The following GPC5 variants were observed in gnomAD, a reference collection of about 807,000 sequenced individuals.
The protein encoded by GPC5 is glypican-5.
Under a neutral mutation model 53.9 loss-of-function variants are expected in GPC5, and 47 were observed. The ratio of observed to expected loss-of-function variants is 0.87; its 90% CI spans 0.69 to 1.11. The LOEUF is 1.11. Among genes scored for constraint, GPC5 ranks in the 50% most tolerant of loss-of-function variants. The pLI, the probability that GPC5 is intolerant of heterozygous loss-of-function variation, is 0.00. For missense variants in GPC5, 748 were observed against 713.1 expected (o/e 1.05, Z -0.56); for synonymous variants, 286 against 263.3 (o/e 1.09, Z -0.84).
intron 7 of GPC5, among the ~76,000 whole-genome samples, chr13:92,164,573 C>T (rs1034950414): frequency 1.3e-5 from 2 of 152,210 alleles, no homozygotes; most frequent in East Asian, 3.9e-4. Context: ...ACAGGCCCTC[C>T]GTCCTGACTG....
At chr13:91,685,909 T>C (rs946768818) in intron 2 of GPC5, among the ~76,000 whole-genome samples, 10 of 149,948 alleles carry the variant, frequency 6.7e-5, no homozygotes, top group African/African-American at 1.0e-4. Context: ...AGAAGAACCA[T>C]GTTTTTGTGT....
At chr13:92,461,174 C>T (rs1594220531) in intron 7 of GPC5, among the ~76,000 whole-genome samples, 1 of 151,928 alleles carries the variant, frequency 6.6e-6, no homozygotes. Flanking sequence ...TTCAAAAATA[C>T]AGAGAAGATG....
chr13:92,452,255 A>G (rs2139399713), intron 7 of GPC5, among the ~76,000 whole-genome samples: 1 of 152,324 alleles, frequency 6.6e-6, no homozygotes, highest in Middle Eastern at 3.4e-3. Context: ...ACCTATAGGT[A>G]CAAATGTAGA....
At chr13:91,965,185 A>G (rs573741776) in intron 6 of GPC5, among the ~76,000 whole-genome samples, 1 of 152,194 alleles carries the variant, frequency 6.6e-6, no homozygotes, top group African/African-American at 2.4e-5. Flanking sequence ...ATACATGTGT[A>G]AAAAACGTGC....
At chr13:92,168,103 A>G (rs916998075) in intron 7 of GPC5, among the ~76,000 whole-genome samples, 1 of 152,148 alleles carries the variant, frequency 6.6e-6, no homozygotes, top group African/African-American at 2.4e-5. Context: ...GCCCTGATAA[A>G]AAGCCACAGA....
At chr13:91,831,744 T>C (rs368647256) in intron 5 of GPC5, among the ~76,000 whole-genome samples, 15 of 152,062 alleles carry the variant, frequency 9.9e-5, no homozygotes, top group African/African-American at 2.7e-4. Flanking sequence ...AGCAGGTTTT[T>C]CAGTTTCCAT....
intron 6 of GPC5, among the ~76,000 whole-genome samples, chr13:92,060,249 T>A (rs2041111903): frequency 6.6e-6 from 1 of 152,052 alleles, no homozygotes; most frequent in South Asian, 2.1e-4. Flanking sequence ...ACATGAATTA[T>A]TGATTAAAAT....
At chr13:92,456,332 G>T (rs1878267553) in intron 7 of GPC5, among the ~76,000 whole-genome samples, 1 of 152,138 alleles carries the variant, frequency 6.6e-6, no homozygotes, top group Non-Finnish European at 1.5e-5. Flanking sequence ...TATACAACAG[G>T]TGGCTCTAAA....
intron 2 of GPC5, among the ~76,000 whole-genome samples, chr13:91,554,687 G>A (rs915944925): frequency 6.6e-6 from 1 of 152,062 alleles, no homozygotes; most frequent in Admixed American, 6.6e-5. Flanking sequence ...CAAGTGCTGG[G>A]TCCTTCTGTA....
At chr13:92,392,339 G>A (rs1035805151) in intron 7 of GPC5, among the ~76,000 whole-genome samples, 1 of 152,064 alleles carries the variant, frequency 6.6e-6, no homozygotes, top group Non-Finnish European at 1.5e-5. Context: ...TGGGAGAACT[G>A]GCTAGCAATA....
At chr13:91,477,876 G>A (rs1883020053) in intron 2 of GPC5, among the ~76,000 whole-genome samples, 1 of 152,200 alleles carries the variant, frequency 6.6e-6, no homozygotes, top group African/African-American at 2.4e-5. Context: ...GCAGTGAGCT[G>A]TGGTTATAAA....
intron 2 of GPC5, among the ~76,000 whole-genome samples, chr13:91,596,855 C>T (rs943146950): frequency 2.0e-5 from 3 of 152,010 alleles, no homozygotes; most frequent in Admixed American, 1.3e-4. Context: ...TGTTATTTTC[C>T]GTGCCTTTCC....
intron 2 of GPC5, among the ~76,000 whole-genome samples, chr13:91,648,571 A>C (rs2139538074): frequency 6.6e-6 from 1 of 152,274 alleles, no homozygotes; most frequent in South Asian, 2.1e-4. Context: ...TATTGTAAAA[A>C]GTAGAAAGTA....
rs371994087 is a variant in GPC5, at chr13:91,926,255, G to A, written c.1401+18198G>A. ...ATGCACCTGTAGTCCCAGCTACTCG[G>A]GAGGCTGAGGCAGGAGAATCACTTG... is the stretch of plus-strand genomic sequence containing the variant. On this transcript the variant is annotated intron_variant, in intron 6 of 7. Transcript: ENST00000377067. Among the ~76,000 whole-genome samples the A allele has an allele frequency of 4.9e-4, 74 of 151,846 alleles. 2 individuals are homozygous for A. The South Asian group carries it at 0.013, about 27-fold the overall frequency.
At chr13:92,801,711 G>C (rs182849601) in intron 7 of GPC5, among the ~76,000 whole-genome samples, 37 of 151,476 alleles carry the variant, frequency 2.4e-4, no homozygotes, top group African/African-American at 8.0e-4. Flanking sequence ...TTTTGTCTAG[G>C]TCTAGGCTAA....
At chr13:92,617,606 T>C (rs568699259) in intron 7 of GPC5, among the ~76,000 whole-genome samples, 6 of 152,326 alleles carry the variant, frequency 3.9e-5, no homozygotes, top group African/African-American at 1.4e-4. Context: ...TCATTTCACT[T>C]GATATGTATT....
intron 7 of GPC5, among the ~76,000 whole-genome samples, chr13:92,632,391 C>T (rs17188515): frequency 0.028 from 4,226 of 149,866 alleles, 112 homozygotes; most frequent in Admixed American, 0.095. Context: ...ATCTTCCATA[C>T]GACTGCAACG....
At chr13:91,758,948 G>A (rs749437946) in intron 5 of GPC5, among the ~76,000 whole-genome samples, 1 of 151,984 alleles carries the variant, frequency 6.6e-6, no homozygotes, top group Non-Finnish European at 1.5e-5. Context: ...CTACTCCTGT[G>A]CCCTTTGGTT....
At chr13:92,027,251 C>A (rs920031843) in intron 6 of GPC5, among the ~76,000 whole-genome samples, 6 of 152,122 alleles carry the variant, frequency 3.9e-5, no homozygotes, top group African/African-American at 1.4e-4. Context: ...TTAATTTCCA[C>A]ATATGCTGAT....
Sources: gnomAD v4.1 joint callset for allele counts (sites outside exome capture counted in the v4.1 genomes callset) on GRCh38, gnomAD v4.1.1 for gene constraint, MANE v1.5 for transcripts, NCBI Gene and HGNC (gene_info 2026-07-23, HGNC 2026-07-21) for gene names.